MMP15: variants seen among roughly 807,000 people sequenced by gnomAD.
MMP15 encodes the protein matrix metallopeptidase 15.
In MMP15, 36 loss-of-function variants were observed where a neutral mutation model predicts 65.0. The ratio of observed to expected loss-of-function variants is 0.55; its 90% confidence interval spans 0.42 to 0.73. The LOEUF (loss-of-function observed/expected upper bound fraction) is 0.73. Among genes scored for constraint, MMP15 ranks in the 30% least tolerant of loss-of-function variants. The pLI is 0.00. For synonymous variants in MMP15, 428 were observed against 410.2 expected, an observed-to-expected ratio of 1.04 and a Z score of -0.52; for missense variants, 870 against 987.8, an observed-to-expected ratio of 0.88 and a Z score of 1.60.
intron 5 of MMP15, 127 bp downstream of exon 5, chr16:58,040,825 G>A: frequency 1.5e-6 from 2 of 1,362,316 alleles, no homozygotes; most frequent in Non-Finnish European, 2.1e-6. Flanking sequence ...TTAGTGACTT[G>A]CCCACATCAT....
At position 58,038,314 on chromosome 16, in the gene MMP15, A is replaced by T. The variant is rs748023626; in HGVS notation, c.360A>T (p.Arg120=). 1 of 1,614,044 alleles carries T rather than the reference A, an allele frequency of 6.2e-7. No homozygotes were observed. The highest frequency in any genetic ancestry group is 2.2e-5 in the East Asian group (1 of 44,874). Residue 120 remains arginine, a synonymous_variant, in exon 3 of 10, where the codon CGA becomes CGT. Transcript: ENST00000219271. ...RCGVPDQFGV[R]VKANLRRRRK... is the part of the protein sequence containing the mutation. The stretch of plus-strand genomic sequence containing the variant: ...GGGTGCCAGACCAGTTCGGGGTACG[A>T]GTGAAAGCCAACCTGCGGCGGCGTC...
At chr16:58,028,741 C>T (rs1257417827) in intron 1 of MMP15, among the ~76,000 whole-genome samples, 2 of 152,232 alleles carry the variant, frequency 1.3e-5, no homozygotes, top group African/African-American at 4.8e-5. Context: ...TCTCTCCCCT[C>T]CCAGGGTGGA....
rs757896283 is a variant in MMP15, at chr16:58,026,506, T to C, written c.156T>C (p.His52=). ...LGVAAEDAEV[H]AENWLRLYGY... Reference sequence around the variant, plus strand: ...TAGCGGCCGAAGACGCGGAGGTCCATGCCGAGGTAAGACCCCCGCCCTGCC... The same window carrying C: ...TAGCGGCCGAAGACGCGGAGGTCCACGCCGAGGTAAGACCCCCGCCCTGCC... The change falls in exon 1 of 10, where the codon CAT becomes CAC. Residue 52 remains histidine (H), a synonymous_variant. Coordinates refer to ENST00000219271, the MANE Select transcript of MMP15 (RefSeq NM_002428.4). 2.2e-6 allele frequency: 3 copies of C among 1,354,260 alleles called. No individual in the cohort carries two copies. The highest frequency in any genetic ancestry group is 1.7e-5 in the South Asian group (1 of 57,314). 83.9% of individuals were successfully genotyped at this position (1,354,260 alleles called of 1,614,324 possible). A position where few individuals can be genotyped will look rare whatever the true frequency, so the allele number is the denominator to read the frequency against.
chr16:58,030,807 C>T (rs532945722), intron 1 of MMP15, among the ~76,000 whole-genome samples: 4 of 152,224 alleles, frequency 2.6e-5, no homozygotes, highest in Admixed American at 6.5e-5. Context: ...GTGACAGAAG[C>T]GAATGGCATT....
At chr16:58,038,909 T>C (rs1959389643) in intron 3 of MMP15, among the ~76,000 whole-genome samples, 1 of 152,218 alleles carries the variant, frequency 6.6e-6, no homozygotes, top group Admixed American at 6.5e-5. Flanking sequence ...GTGGTTCCCA[T>C]GGTCACTTAG....
At position 58,045,637 on chromosome 16, in the gene MMP15, T is replaced by A; in HGVS notation, c.*191T>A. ...CACCTTACTTGACCATTTGTTTCTG[T>A]TTCCCCGACTGGGGCAGGGTGTTTA... On this transcript the variant is annotated 3_prime_UTR_variant, in exon 10 of 10. Transcript: ENST00000219271. 1 of 577,192 alleles carries A rather than the reference T, an allele frequency of 1.7e-6. No homozygotes were observed. The highest frequency in any genetic ancestry group is 3.0e-6 in the Non-Finnish European group (1 of 333,044). The allele number at this position is 577,192 out of a possible 1,614,324, so 35.8% of individuals were successfully genotyped here.
At position 58,043,331 on chromosome 16, in the gene MMP15, A is replaced by G. The variant is rs749941099; in HGVS notation, c.1425A>G (p.Thr475=). 8.7e-6 allele frequency: 14 copies of G among 1,604,862 alleles called. No homozygotes were observed. The highest frequency in any genetic ancestry group is 1.0e-5 in the Non-Finnish European group (12 of 1,174,526). ...ACACGGCCATCTGGTGGGAGCCCAC[A>G]GGCCACACCTTCTTCTTCCAAGAGG... The part of the protein sequence containing the change: ...RIDTAIWWEP[T]GHTFFFQEDR... Residue 475 remains threonine (T), a synonymous_variant, in exon 8 of 10, where the codon ACA becomes ACG. Coordinates refer to ENST00000219271, the MANE Select transcript of MMP15 (RefSeq NM_002428.4).
chr16:58,044,388 A>G (rs1959513342), intron 9 of MMP15, among the ~76,000 whole-genome samples: 1 of 152,212 alleles, frequency 6.6e-6, no homozygotes. Context: ...TCAAGGCTGC[A>G]GTGAGCTGTG....
At chr16:58,041,953 C>T in intron 6 of MMP15, 83 bp downstream of exon 6, 2 of 1,455,638 alleles carry the variant, frequency 1.4e-6, no homozygotes, top group East Asian at 2.4e-5. Flanking sequence ...CTCAGCAGGC[C>T]CCGGGGAGCC....
At chr16:58,038,546 C>T (rs1031697368) in intron 3 of MMP15, 152 bp downstream of exon 3, 26 of 1,016,108 alleles carry the variant, frequency 2.6e-5, no homozygotes, top group South Asian at 1.4e-4. Flanking sequence ...CAGTCTCCCT[C>T]GAGGGAAGGT....
chr16:58,032,680 G>A (rs1405943630), intron 1 of MMP15, among the ~76,000 whole-genome samples: 1 of 152,222 alleles, frequency 6.6e-6, no homozygotes, highest in Non-Finnish European at 1.5e-5. Flanking sequence ...TGTGCCTAGT[G>A]GCTGGGAGTA....
intron 1 of MMP15, among the ~76,000 whole-genome samples, chr16:58,032,479 T>A (rs974800850): frequency 7.9e-5 from 12 of 151,848 alleles, no homozygotes; most frequent in African/African-American, 2.9e-4. Flanking sequence ...GGCTGATGAG[T>A]TTTTGGCCAG....
chr16:58,044,941 C>A, intron 9 of MMP15, 66 bp from the exon 10 acceptor site: 1 of 1,561,816 alleles, frequency 6.4e-7, no homozygotes, highest in Non-Finnish European at 8.8e-7. Flanking sequence ...CATGTCCTGG[C>A]CTTTGATGGT....
In MMP15 at chr16:58,045,567, G is replaced by T. The variant is rs570083279; in HGVS notation, c.*121G>T. 22 of 767,028 alleles carry T rather than the reference G, an allele frequency of 2.9e-5. No individual in the cohort carries two copies. In the African/African-American group the frequency reaches 3.9e-4, roughly 14 times the overall value. 47.5% of individuals were successfully genotyped at this position (767,028 alleles called of 1,614,324 possible). ...AGCCCTCACACACCCTGTCTGCCCC[G>T]CCCTCATTATTTATGTCCAGGTGTT... On this transcript the variant is annotated 3_prime_UTR_variant, in exon 10 of 10. Coordinates refer to ENST00000219271, the MANE Select transcript of MMP15 (RefSeq NM_002428.4).
chr16:58,031,388 C>T lies in MMP15; in HGVS notation c.162+4876C>T, dbSNP rs374535367. 4.8e-4 allele frequency among the ~76,000 whole-genome samples: 73 copies of T among 152,284 alleles called. 1 individual carries two copies. In the South Asian group the frequency reaches 0.014, roughly 30 times the overall value. On this transcript the variant is annotated intron_variant, in intron 1 of 9. Transcript: ENST00000219271. ...GCTGTGTGAGCCAAAAGCCCTCCCC[C>T]GGCCCACCCAGCCTTGCCCCCATCT...
At chr16:58,027,364 G>A (rs1170964823) in intron 1 of MMP15, among the ~76,000 whole-genome samples, 1 of 152,232 alleles carries the variant, frequency 6.6e-6, no homozygotes, top group Non-Finnish European at 1.5e-5. Context: ...GGTGTCTCCC[G>A]AGCGAGGACA....
At chr16:58,039,811 T>C (rs973235770) in intron 3 of MMP15, 64 bp from the exon 4 acceptor site, 1 of 1,512,540 alleles carries the variant, frequency 6.6e-7, no homozygotes, top group South Asian at 1.3e-5. Context: ...CTTGGGAACA[T>C]GCCAGCAGAG....
intron 1 of MMP15, 142 bp downstream of exon 1, chr16:58,026,654 G>A (rs2142320816): frequency 1.0e-6 from 1 of 962,120 alleles, no homozygotes; most frequent in Non-Finnish European, 1.4e-6. Context: ...AGCGGACTTG[G>A]CAGTCTGCCC....
chr16:58,042,064 G>C (rs1267859486), intron 6 of MMP15, among the ~76,000 whole-genome samples, 167 bp from the exon 7 acceptor site: 1 of 152,224 alleles, frequency 6.6e-6, no homozygotes, highest in Non-Finnish European at 1.5e-5. Flanking sequence ...CCCAGCTCAG[G>C]GCTCTGTTTC....
Sources: allele counts gnomAD v4.1 joint callset (sites outside exome capture counted in the v4.1 genomes callset), GRCh38; gene constraint gnomAD v4.1.1; transcripts MANE v1.5; gene names NCBI Gene and HGNC (gene_info 2026-07-23, HGNC 2026-07-21).